PCDHGB1: variants seen among roughly 807,000 people sequenced by gnomAD.
PCDHGB1 encodes the protein protocadherin gamma subfamily B, 1.
In PCDHGB1, 34 loss-of-function variants were observed where a neutral mutation model predicts 56.6. The ratio of observed to expected loss-of-function variants is 0.60; its 90% CI spans 0.46 to 0.80. PCDHGB1 has a LOEUF of 0.80. Among genes scored for constraint, PCDHGB1 ranks in the 30% least tolerant of loss-of-function variants. The pLI is 0.00. For synonymous variants in PCDHGB1, 561 were observed against 505.9 expected, an observed-to-expected ratio of 1.11 and a Z score of -1.46; for missense variants, 1,278 against 1,204.6, an observed-to-expected ratio of 1.06 and a Z score of -0.90.
At chr5:141,385,487 A>G in intron 1 of PCDHGB1, 1 of 1,416,436 alleles carries the variant, frequency 7.1e-7, no homozygotes, top group Admixed American at 3.0e-5. Flanking sequence ...TATAGAACAC[A>G]TAGGATATAG....
intron 1 of PCDHGB1, among the ~76,000 whole-genome samples, chr5:141,492,949 A>G (rs1470301496): frequency 6.6e-6 from 1 of 152,226 alleles, no homozygotes; most frequent in African/African-American, 2.4e-5. Flanking sequence ...GGAGGTGACC[A>G]AACTATCTGA....
At chr5:141,468,346 A>AG (rs2099164784) in intron 1 of PCDHGB1, 33 of 147,324 alleles carry the variant, frequency 2.2e-4, no homozygotes, top group Middle Eastern at 6.9e-3. Flanking sequence ...AAAAAAAAAA[A>AG]AAAGAAAGAA....
intron 1 of PCDHGB1, chr5:141,427,790 C>G: frequency 6.7e-7 from 1 of 1,482,224 alleles, no homozygotes; most frequent in South Asian, 1.1e-5. Flanking sequence ...TGTCGTCCTA[C>G]GTGTCCGTGA....
chr5:141,423,150 G>A, intron 1 of PCDHGB1: 1 of 1,613,538 alleles, frequency 6.2e-7, no homozygotes, highest in Non-Finnish European at 8.5e-7. Flanking sequence ...CGCTCAAGCA[G>A]AGCCTCGTGG....
intron 1 of PCDHGB1, chr5:141,413,776 G>A: frequency 6.2e-7 from 1 of 1,613,188 alleles, no homozygotes; most frequent in Non-Finnish European, 8.5e-7. Context: ...GCTGGTACTG[G>A]AGCACTCCCT....
At chr5:141,393,227 A>G (rs1389818557) in intron 1 of PCDHGB1, 1 of 1,613,740 alleles carries the variant, frequency 6.2e-7, no homozygotes, top group Non-Finnish European at 8.5e-7. Context: ...TCGAAGATCT[A>G]GAAGTAAAAA....
At chr5:141,360,312 G>A in intron 1 of PCDHGB1, 1 of 1,613,976 alleles carries the variant, frequency 6.2e-7, no homozygotes, top group East Asian at 2.2e-5. Flanking sequence ...TCAGCGTCCG[G>A]GACTTGCCAG....
chr5:141,355,452 G>T (rs371481857), intron 1 of PCDHGB1: 5 of 1,613,958 alleles, frequency 3.1e-6, no homozygotes, highest in Non-Finnish European at 4.2e-6. Context: ...GCGGCACCTT[G>T]GTCACCGCGG....
At chr5:141,413,970 G>A in intron 1 of PCDHGB1, 1 of 1,613,450 alleles carries the variant, frequency 6.2e-7, no homozygotes, top group Non-Finnish European at 8.5e-7. Flanking sequence ...GCACTCAGCT[G>A]CTGACAGTCA....
intron 1 of PCDHGB1, among the ~76,000 whole-genome samples, chr5:141,455,286 T>G (rs889792228): frequency 6.6e-6 from 1 of 152,176 alleles, no homozygotes; most frequent in African/African-American, 2.4e-5. Flanking sequence ...AACATCACTT[T>G]ACATAGTTTC....
chr5:141,456,122 C>A (rs1411002229), intron 1 of PCDHGB1, among the ~76,000 whole-genome samples: 1 of 152,176 alleles, frequency 6.6e-6, no homozygotes, highest in East Asian at 1.9e-4. Context: ...TGGTCTCCAT[C>A]TCCTGACCTC....
intron 1 of PCDHGB1, chr5:141,398,034 A>G: frequency 6.8e-7 from 1 of 1,475,238 alleles, no homozygotes; most frequent in South Asian, 1.4e-5. Context: ...AACTGGAACT[A>G]AAGCCCGTTC....
chr5:141,467,532 T>G (rs2099145568), intron 1 of PCDHGB1, among the ~76,000 whole-genome samples: 1 of 152,234 alleles, frequency 6.6e-6, no homozygotes, highest in Non-Finnish European at 1.5e-5. Flanking sequence ...TGTGCTGAGA[T>G]ATGGATCTGA....
chr5:141,418,579 A>C, intron 1 of PCDHGB1: 1 of 1,614,000 alleles, frequency 6.2e-7, no homozygotes. Context: ...ACAACCCCCC[A>C]GTGTTCAGCC....
In PCDHGB1 at chr5:141,394,824, G is replaced by C. The variant is rs200702899; in HGVS notation, c.2409+42155G>C. The C allele has an allele frequency of 8.2e-4, 1,326 of 1,613,856 alleles. 15 individuals are homozygous for C. The highest frequency in any genetic ancestry group is 9.3e-4 in the Admixed American group (56 of 60,030). ...AGCCGTGGCTGACAGCATCCCCGAA[G>C]TCCTGACCGAGTTGGGCAGTCTGAA... On this transcript the variant is annotated intron_variant, in intron 1 of 3. Transcript: ENST00000523390.
At chr5:141,393,201 A>C in intron 1 of PCDHGB1, 1 of 1,613,534 alleles carries the variant, frequency 6.2e-7, no homozygotes, top group Admixed American at 1.7e-5. Context: ...TAACGATAAT[A>C]ACCCAAAATT....
In PCDHGB1 at chr5:141,512,009, CAAGTT is replaced by C. The variant is rs1409890580; in HGVS notation, c.*838_*842del. On this transcript the variant is annotated 3_prime_UTR_variant, in exon 4 of 4. Transcript: ENST00000523390. ...GGGGCATGGACAAAGCTTGACACATCAAGTTATCAAGGCCTTGGAGGAGGCTCTGT... is the reference window on the plus strand; with the variant it reads ...GGGGCATGGACAAAGCTTGACACATCATCAAGGCCTTGGAGGAGGCTCTGT... 1 of 153,074 alleles carries C rather than the reference CAAGTT, an allele frequency of 6.5e-6. No individual in the cohort carries two copies. The highest frequency in any genetic ancestry group is 1.9e-4 in the East Asian group (1 of 5,182). 9.5% of individuals were successfully genotyped at this position (153,074 alleles called of 1,614,324 possible).
chr5:141,426,719 A>G (rs776136674), intron 1 of PCDHGB1: 2 of 446,424 alleles, frequency 4.5e-6, no homozygotes, highest in Non-Finnish European at 9.1e-6. Context: ...ATGAACTAGC[A>G]ATTCCAGGCA....
chr5:141,475,527 C>G (rs1462406655), intron 1 of PCDHGB1, among the ~76,000 whole-genome samples: 2 of 152,172 alleles, frequency 1.3e-5, no homozygotes, highest in African/African-American at 2.4e-5. Context: ...ATGCTAAATG[C>G]CTCCTTACAA....
Sources: allele counts gnomAD v4.1 joint callset (sites outside exome capture counted in the v4.1 genomes callset), GRCh38; gene constraint gnomAD v4.1.1; transcripts MANE v1.5; gene names NCBI Gene and HGNC (gene_info 2026-07-23, HGNC 2026-07-21).